The following DNM3 variants were observed in gnomAD, a reference collection of about 807,000 sequenced individuals.
DNM3 encodes the protein dynamin 3, also known as dynamin-3.
A neutral mutation model predicts 101.6 loss-of-function variants in DNM3; 47 were observed. The ratio of observed to expected loss-of-function variants is 0.46; its 90% confidence interval spans 0.37 to 0.59. The LOEUF is 0.59. DNM3 is among the 20% of genes least tolerant of loss of function. The pLI is 0.00. For synonymous variants in DNM3, 385 were observed against 387.9 expected, an observed-to-expected ratio of 0.99 and a Z score of 0.09; for missense variants, 849 against 1,085.7, an observed-to-expected ratio of 0.78 and a Z score of 3.06.
intron 4 of DNM3, among the ~76,000 whole-genome samples, chr1:172,002,953 C>T (rs1460426607): frequency 2.6e-5 from 4 of 151,846 alleles, no homozygotes; most frequent in East Asian, 1.9e-4. Context: ...ACTGTAAAGA[C>T]GCTGCTTGAA....
At chr1:172,354,057 C>G (rs1045501277) in intron 17 of DNM3, among the ~76,000 whole-genome samples, 3 of 142,416 alleles carry the variant, frequency 2.1e-5, no homozygotes, top group Non-Finnish European at 4.5e-5. Context: ...ATAGTGCTAA[C>G]TGGGAGGTAT....
chr1:171,946,552 G>A (rs1194991235), intron 2 of DNM3, among the ~76,000 whole-genome samples: 1 of 152,162 alleles, frequency 6.6e-6, no homozygotes, highest in African/African-American at 2.4e-5. Context: ...CTTATTTGCT[G>A]TTGGCTAGAA....
intron 15 of DNM3, among the ~76,000 whole-genome samples, chr1:172,259,554 T>C (rs2062558293): frequency 6.6e-6 from 1 of 152,162 alleles, no homozygotes; most frequent in South Asian, 2.1e-4. Flanking sequence ...CTGTTGTAAG[T>C]ATAGCTACTC....
intron 14 of DNM3, among the ~76,000 whole-genome samples, chr1:172,241,045 A>G (rs1415339798): frequency 2.6e-5 from 4 of 152,064 alleles, no homozygotes; most frequent in Non-Finnish European, 5.9e-5. Flanking sequence ...TAGTACTGCT[A>G]TTATAGAGGT....
intron 14 of DNM3, among the ~76,000 whole-genome samples, chr1:172,163,374 G>A (rs913189888): frequency 6.6e-6 from 1 of 151,778 alleles, no homozygotes; most frequent in African/African-American, 2.4e-5. Context: ...GAGTAGCTGG[G>A]ACTACAGGTG....
In DNM3 at chr1:172,410,557, T is replaced by G; in HGVS notation, c.*2716T>G. On this transcript the variant is annotated 3_prime_UTR_variant, in exon 21 of 21. Transcript: ENST00000627582. ...CATATTGACTAATTGGAATAACCAT[T>G]TACTCAATTATGGACAGCTTATTGA... 2.0e-6 allele frequency: 2 copies of G among 984,472 alleles called. No individual in the cohort carries two copies. Among genetic ancestry groups the G allele is most frequent in the Non-Finnish European group, 2.4e-6 (2 of 829,056 alleles). The allele number at this position is 984,472 out of a possible 1,614,324, so 61.0% of individuals were successfully genotyped here.
At chr1:172,359,516 A>G (rs755307669) in intron 17 of DNM3, among the ~76,000 whole-genome samples, 2 of 151,902 alleles carry the variant, frequency 1.3e-5, no homozygotes, top group Non-Finnish European at 2.9e-5. Flanking sequence ...AGTTTAAACT[A>G]CAATTTGGAG....
At chr1:172,046,422 G>A (rs1053426705) in intron 9 of DNM3, among the ~76,000 whole-genome samples, 6 of 152,134 alleles carry the variant, frequency 3.9e-5, no homozygotes, top group African/African-American at 1.4e-4. Context: ...GGAGTAGGGG[G>A]GAGGGATAGC....
intron 2 of DNM3, among the ~76,000 whole-genome samples, chr1:171,923,073 A>G (rs1298521740): frequency 6.6e-6 from 1 of 152,178 alleles, no homozygotes; most frequent in African/African-American, 2.4e-5. Context: ...CCTGAGTATA[A>G]TTGCTGGGCC....
intron 2 of DNM3, among the ~76,000 whole-genome samples, chr1:171,937,587 T>G (rs181297362): frequency 6.6e-6 from 1 of 152,332 alleles, no homozygotes; most frequent in East Asian, 1.9e-4. Context: ...TTTATTTATT[T>G]GAGACACGGT....
chr1:172,172,188 G>C (rs1204740233), intron 14 of DNM3, among the ~76,000 whole-genome samples: 1 of 151,642 alleles, frequency 6.6e-6, no homozygotes, highest in Non-Finnish European at 1.5e-5. Context: ...GCTGCCTAGT[G>C]AGGAAGCCCA....
chr1:172,410,109 A>G lies in DNM3; in HGVS notation c.*2268A>G. The G allele has an allele frequency of 1.0e-6, 1 of 985,404 alleles. No individual in the cohort carries two copies. The highest frequency in any genetic ancestry group is 1.2e-6 in the Non-Finnish European group (1 of 829,904). The allele number at this position is 985,404 out of a possible 1,614,324, so 61.0% of individuals were successfully genotyped here. A position where few individuals can be genotyped will look rare whatever the true frequency, so the allele number is the denominator to read the frequency against. On this transcript the variant is annotated 3_prime_UTR_variant, in exon 21 of 21. Transcript: ENST00000627582. ...TCTTTACTCCTAAGTTATTTCTCAT[A>G]GAACCCAGCCTACTCTAGAATTTCA...
chr1:171,878,154 A>G (rs1380448366), intron 1 of DNM3, among the ~76,000 whole-genome samples: 1 of 152,300 alleles, frequency 6.6e-6, no homozygotes, highest in Middle Eastern at 3.4e-3. Context: ...GGTATTAAAG[A>G]TAAGACTTCC....
chr1:172,276,543 GAAA>G (rs997413063), intron 15 of DNM3, among the ~76,000 whole-genome samples: 3 of 106,254 alleles, frequency 2.8e-5, no homozygotes, highest in African/African-American at 9.4e-5. Context: ...AATAATCACA[GAAA>G]AAAAATCTTA....
chr1:171,940,392 G>A (rs1476596155), intron 2 of DNM3, among the ~76,000 whole-genome samples: 2 of 152,128 alleles, frequency 1.3e-5, no homozygotes, highest in Non-Finnish European at 2.9e-5. Context: ...CAGAGAGGTT[G>A]CCAGTTTGTG....
At chr1:172,216,164 A>G (rs1223670480) in intron 14 of DNM3, among the ~76,000 whole-genome samples, 3 of 152,082 alleles carry the variant, frequency 2.0e-5, no homozygotes, top group African/African-American at 7.2e-5. Flanking sequence ...GCAGCATTCC[A>G]TATCTCATCC....
At chr1:171,981,313 G>T (rs572010474) in intron 2 of DNM3, among the ~76,000 whole-genome samples, 1 of 152,150 alleles carries the variant, frequency 6.6e-6, no homozygotes, top group Non-Finnish European at 1.5e-5. Flanking sequence ...GAAAACTCCA[G>T]TTAAAATTTT....
chr1:172,398,798 T>C (rs2070231300), intron 20 of DNM3, among the ~76,000 whole-genome samples: 1 of 152,192 alleles, frequency 6.6e-6, no homozygotes, highest in African/African-American at 2.4e-5. Flanking sequence ...CTAGACTAGC[T>C]TTATTTAGTG....
Position 172,321,065 on chromosome 1 carries a change from A to T in DNM3, c.1882-2264A>T, listed in dbSNP as rs1415339991. Among the ~76,000 whole-genome samples the T allele has an allele frequency of 3.3e-5, 5 of 152,326 alleles. No homozygotes were observed. In the East Asian group the frequency reaches 9.6e-4, roughly 29 times the overall value. The stretch of plus-strand genomic sequence containing the variant: ...TTCCTTCTGAATTCAGGACTGTCCC[A>T]GTCATAACTGATGTTTTTAGGTCGG... On this transcript the variant is annotated intron_variant, in intron 16 of 20. Coordinates refer to ENST00000627582, the MANE Select transcript of DNM3 (RefSeq NM_015569.5).
Sources: allele counts gnomAD v4.1 joint callset (sites outside exome capture counted in the v4.1 genomes callset), GRCh38; gene constraint gnomAD v4.1.1; transcripts MANE v1.5; gene names NCBI Gene and HGNC (gene_info 2026-07-23, HGNC 2026-07-21).